The following ASAP1 variants were observed in gnomAD, a reference collection of about 807,000 sequenced individuals.
The protein encoded by ASAP1 is ArfGAP with SH3 domain, ankyrin repeat and PH domain 1, also known as arf-GAP with SH3 domain, ANK repeat and PH domain-containing protein 1.
In ASAP1, 43 loss-of-function variants were observed where a neutral mutation model predicts 145.2. That is an observed-to-expected ratio of 0.30 (90% confidence interval 0.23 to 0.38). The LOEUF is 0.38. Among genes scored for constraint, ASAP1 ranks in the 10% least tolerant of loss-of-function variants. The pLI is 1.00. For missense variants in ASAP1, 1,018 were observed against 1,355.3 expected (o/e 0.75, Z 3.91); for synonymous variants, 546 against 515.5 (o/e 1.06, Z -0.80).
intron 3 of ASAP1, among the ~76,000 whole-genome samples, chr8:130,265,873 G>C (rs1351363723): frequency 6.6e-6 from 1 of 152,136 alleles, no homozygotes; most frequent in Non-Finnish European, 1.5e-5. Flanking sequence ...AAGTGAAACT[G>C]TCTCCCCCGA....
chr8:130,107,180 C>CTTTTTTTTTTTTT (rs375105720), intron 24 of ASAP1, among the ~76,000 whole-genome samples: 1 of 113,872 alleles, frequency 8.8e-6, no homozygotes, highest in Admixed American at 9.7e-5. Context: ...CTCTCTTCTT[C>CTTTTTTTTTTTTT]TTCTTTTTTT....
rs1266866059 is a variant in ASAP1, at chr8:130,179,463, G to A, written c.661-114C>T. The A allele has an allele frequency of 2.0e-5, 13 of 662,814 alleles. 1 individual carries two copies. The highest frequency in any genetic ancestry group is 2.5e-4 in the Middle Eastern group (1 of 4,002). 41.1% of individuals were successfully genotyped at this position (662,814 alleles called of 1,614,324 possible). On this transcript the variant is annotated intron_variant, in intron 8 of 29. Transcript: ENST00000518721. Reference sequence around the variant, plus strand: ...TCTGCACAAGTTACCAAGCCTTGGTGTCCTTTAGACAGTTTAGAGAATGCT... The same window carrying A: ...TCTGCACAAGTTACCAAGCCTTGGTATCCTTTAGACAGTTTAGAGAATGCT...
chr8:130,215,603 G>A (rs1489761702), intron 4 of ASAP1, among the ~76,000 whole-genome samples: 1 of 152,160 alleles, frequency 6.6e-6, no homozygotes, highest in Non-Finnish European at 1.5e-5. Context: ...AGTTAGCCAG[G>A]TGTAGTAGCG....
rs535972910 is a variant in ASAP1 at position 130,347,869 on chromosome 8, T to C, written c.186+10148A>G. ...TTCTTGCCCCTCATGTTCCATAAAATATCTCCCATGAATCCTTCCAATAAG... is the reference window on the plus strand; with the variant it reads ...TTCTTGCCCCTCATGTTCCATAAAACATCTCCCATGAATCCTTCCAATAAG... On this transcript the variant is annotated intron_variant, in intron 3 of 29. Coordinates refer to ENST00000518721, the MANE Select transcript of ASAP1 (RefSeq NM_018482.4). Among the ~76,000 whole-genome samples, 5 of 152,312 alleles carry C rather than the reference T, an allele frequency of 3.3e-5. No homozygotes were observed. In the South Asian group the frequency reaches 6.2e-4, roughly 19 times the overall value.
In ASAP1 at chr8:130,120,282, A is replaced by G. The variant is rs535106170; in HGVS notation, c.1608-1607T>C. ...GAGGCCTCTGCTGCATGTGTCTTAT[A>G]TAAAGTGTGAAAGGCAGCTACTGTG... is the stretch of plus-strand genomic sequence containing the variant. On this transcript the variant is annotated intron_variant, in intron 18 of 29. Transcript: ENST00000518721. Among the ~76,000 whole-genome samples the G allele has an allele frequency of 1.0e-3, 159 of 152,362 alleles. 1 individual carries two copies. Among genetic ancestry groups the G allele is most frequent in the African/African-American group, 3.7e-3 (153 of 41,596 alleles).
chr8:130,332,860 T>A (rs1185269640), intron 3 of ASAP1, among the ~76,000 whole-genome samples: 2 of 151,998 alleles, frequency 1.3e-5, no homozygotes, highest in South Asian at 2.1e-4. Context: ...GTAAAAAAAA[T>A]TTTAGAAAAT....
chr8:130,356,220 T>TA (rs1314322988), intron 3 of ASAP1, among the ~76,000 whole-genome samples: 1 of 152,212 alleles, frequency 6.6e-6, no homozygotes, highest in Non-Finnish European at 1.5e-5. Context: ...ACCGAATACT[T>TA]AATCTTATCA....
chr8:130,310,769 A>C (rs1823293771), intron 3 of ASAP1, among the ~76,000 whole-genome samples: 1 of 152,206 alleles, frequency 6.6e-6, no homozygotes, highest in African/African-American at 2.4e-5. Context: ...ATAGTCTTTA[A>C]ATTCTGCCCA....
chr8:130,160,057 G>A, intron 11 of ASAP1, 93 bp from the exon 12 acceptor site: 1 of 1,052,908 alleles, frequency 9.5e-7, no homozygotes, highest in Non-Finnish European at 1.5e-6. Context: ...CACTGGTCTG[G>A]GTCTAAGGGA....
intron 13 of ASAP1, among the ~76,000 whole-genome samples, chr8:130,143,495 T>TGGG (rs149855856): frequency 0.019 from 2,916 of 151,920 alleles, 96 homozygotes; most frequent in African/African-American, 0.065. Context: ...TATACACAGA[T>TGGG]GTCTTCATTT....
At position 130,152,767 on chromosome 8, in the gene ASAP1, T is replaced by C. The variant is rs1364185797; in HGVS notation, c.1049A>G (p.Lys350Arg). The change falls in exon 13 of 30, where the codon AAG (lysine) becomes AGG (arginine). Residue 350 changes from lysine (K) to arginine (R), a missense_variant. Around this residue, in one of 9 missense-constraint regions of ASAP1, gnomAD observed 27 missense variants for 88.2 expected, o/e 0.31. Transcript: ENST00000518721. ...ATGTGAGATGGTCAGAATCCCATTC[T>C]TGACTGAACACTTCCTCCTCTGCCA... ...KVWQRRKCSV[K>R]NGILTISHAT... 1 of 1,612,156 alleles carries C rather than the reference T, an allele frequency of 6.2e-7. No individual in the cohort carries two copies. Among genetic ancestry groups the C allele is most frequent in the Non-Finnish European group, 8.5e-7 (1 of 1,178,550 alleles).
chr8:130,399,914 G>T (rs1828705335), intron 2 of ASAP1, among the ~76,000 whole-genome samples: 2 of 150,506 alleles, frequency 1.3e-5, no homozygotes. Context: ...CTGCCTCGCG[G>T]GTTCAAGAGA....
At chr8:130,357,665 G>A (rs1788800685) in intron 3 of ASAP1, among the ~76,000 whole-genome samples, 1 of 152,226 alleles carries the variant, frequency 6.6e-6, no homozygotes, top group African/African-American at 2.4e-5. Flanking sequence ...GGCCCTCGGT[G>A]GCCTGACGCC....
intron 3 of ASAP1, among the ~76,000 whole-genome samples, chr8:130,246,003 T>C (rs1315119597): frequency 6.6e-6 from 1 of 152,092 alleles, no homozygotes; most frequent in Non-Finnish European, 1.5e-5. Context: ...GTCAGTCACA[T>C]CACGTATCAA....
intron 5 of ASAP1, among the ~76,000 whole-genome samples, chr8:130,201,672 T>C (rs929466790): frequency 2.0e-5 from 3 of 152,232 alleles, no homozygotes; most frequent in African/African-American, 7.2e-5. Context: ...GGGGGTGTGC[T>C]ATATGGCTAG....
intron 24 of ASAP1, among the ~76,000 whole-genome samples, chr8:130,099,845 A>G (rs1216339728): frequency 6.6e-6 from 1 of 151,272 alleles, no homozygotes; most frequent in Non-Finnish European, 1.5e-5. Flanking sequence ...AGCCTATAGG[A>G]TTTCATTCAT....
At chr8:130,215,692 C>T (rs1230943954) in intron 4 of ASAP1, among the ~76,000 whole-genome samples, 1 of 151,910 alleles carries the variant, frequency 6.6e-6, no homozygotes, top group African/African-American at 2.4e-5. Flanking sequence ...TGCAGTGAGC[C>T]GAGACCGCGT....
At chr8:130,287,339 G>A (rs1821678320) in intron 3 of ASAP1, among the ~76,000 whole-genome samples, 1 of 152,144 alleles carries the variant, frequency 6.6e-6, no homozygotes, top group Admixed American at 6.5e-5. Flanking sequence ...CTTCAGATTA[G>A]GAAGAGCTTG....
chr8:130,095,837 T>C (rs2097516498), intron 24 of ASAP1, among the ~76,000 whole-genome samples: 1 of 152,078 alleles, frequency 6.6e-6, no homozygotes, highest in African/African-American at 2.4e-5. Context: ...CAGGCTGGTC[T>C]TGAACTCCTG....
Sources: gnomAD v4.1 joint callset for allele counts (sites outside exome capture counted in the v4.1 genomes callset) on GRCh38, gnomAD v4.1.1 for gene constraint, gnomAD v4.1.1 regional missense constraint, MANE v1.5 for transcripts, NCBI Gene and HGNC (gene_info 2026-07-23, HGNC 2026-07-21) for gene names.